NUAK1: variants seen among roughly 807,000 people sequenced by gnomAD.
The protein encoded by NUAK1 is NUAK family kinase 1.
A neutral mutation model predicts 56.9 loss-of-function variants in NUAK1; 26 were observed. The ratio of observed to expected loss-of-function variants is 0.46; its 90% CI spans 0.33 to 0.63. NUAK1 has a LOEUF of 0.63. Ranked by LOEUF, NUAK1 falls within the 30% of genes least tolerant of loss-of-function variation. NUAK1 has a pLI of 0.02. For missense variants in NUAK1, 727 were observed against 876.1 expected (o/e 0.83, Z 2.15); for synonymous variants, 337 against 336.0 (o/e 1.00, Z -0.03).
chr12:106,129,910 C>T (rs1370099420), intron 1 of NUAK1, among the ~76,000 whole-genome samples: 3 of 152,154 alleles, frequency 2.0e-5, no homozygotes, highest in Admixed American at 2.0e-4. Flanking sequence ...TCCTGGGTAG[C>T]AGGACAGAAT....
intron 2 of NUAK1, among the ~76,000 whole-genome samples, chr12:106,090,319 G>A (rs547144939): frequency 3.3e-5 from 5 of 152,128 alleles, no homozygotes; most frequent in Admixed American, 1.3e-4. Context: ...TTAATTGAGA[G>A]CAAAGAAGAT....
intron 2 of NUAK1, among the ~76,000 whole-genome samples, chr12:106,088,630 A>G (rs2032599865): frequency 6.6e-6 from 1 of 152,224 alleles, no homozygotes; most frequent in South Asian, 2.1e-4. Flanking sequence ...CGTGAATAAT[A>G]TTAGCAAGTA....
At chr12:106,090,072 C>T (rs1388161109) in intron 2 of NUAK1, among the ~76,000 whole-genome samples, 3 of 152,158 alleles carry the variant, frequency 2.0e-5, no homozygotes, top group African/African-American at 7.2e-5. Flanking sequence ...GTTGATTGGG[C>T]CATTTCAATC....
chr12:106,092,469 C>T lies in NUAK1; in HGVS notation c.362-5584G>A, dbSNP rs571589955. On this transcript the variant is annotated intron_variant, in intron 2 of 6. Transcript: ENST00000261402. ...GGAGAAGGAGGTTGCAGTGAGCCAG[C>T]CTGGTGACAGAGCGAGACTCTGTCT... is the stretch of plus-strand genomic sequence containing the variant. Among the ~76,000 whole-genome samples, 41 of 151,974 alleles carry T rather than the reference C, an allele frequency of 2.7e-4. No individual in the cohort carries two copies. The East Asian group carries it at 8.0e-3, about 30-fold the overall frequency.
At position 106,133,536 on chromosome 12, in the gene NUAK1, T is replaced by C. The variant is rs144918585; in HGVS notation, c.240+4878A>G. Among the ~76,000 whole-genome samples the C allele has an allele frequency of 4.4e-3, 663 of 152,288 alleles. 13 individuals carry two copies. The highest frequency in any genetic ancestry group is 0.015 in the African/African-American group (605 of 41,562). On this transcript the variant is annotated intron_variant, in intron 1 of 6. Coordinates refer to ENST00000261402, the MANE Select transcript of NUAK1 (RefSeq NM_014840.3). ...CAAACACCATCCAGCTGTCTGACCC[T>C]TGGCAAGTTACCTAACCTCCCTATG... is the stretch of plus-strand genomic sequence containing the variant.
At position 106,106,593 on chromosome 12, in the gene NUAK1, T is replaced by C. The variant is rs2032804433; in HGVS notation, c.241-68A>G. The C allele has an allele frequency of 5.3e-6, 8 of 1,514,334 alleles. No individual in the cohort carries two copies. In the South Asian group the frequency reaches 6.3e-5, roughly 12 times the overall value. 93.8% of individuals were successfully genotyped at this position (1,514,334 alleles called of 1,614,324 possible). A position where few individuals can be genotyped will look rare whatever the true frequency, so the allele number is the denominator to read the frequency against. ...GATGCAAATCAGCCATTGGGGGAGT[T>C]TGGAAAATAAATACAGATGTTACTT... On this transcript the variant is annotated intron_variant, in intron 1 of 6. Transcript: ENST00000261402.
intron 1 of NUAK1, 43 bp from the exon 2 acceptor site, chr12:106,106,568 G>T: frequency 6.4e-7 from 1 of 1,573,674 alleles, no homozygotes. Context: ...GAGCTAAACA[G>T]ATGCAAATCA....
At chr12:106,081,434 G>A (rs186637294) in intron 4 of NUAK1, among the ~76,000 whole-genome samples, 69 of 152,332 alleles carry the variant, frequency 4.5e-4, no homozygotes, top group Middle Eastern at 3.4e-3. Flanking sequence ...ATGCACACCC[G>A]TGCTTTACCT....
intron 1 of NUAK1, among the ~76,000 whole-genome samples, chr12:106,124,842 C>T (rs1328456921): frequency 1.3e-5 from 2 of 151,830 alleles, no homozygotes; most frequent in African/African-American, 4.8e-5. Context: ...ACTAAAAATA[C>T]AAAAATCAGC....
At chr12:106,073,124 A>C (rs1337113731) in intron 4 of NUAK1, among the ~76,000 whole-genome samples, 2 of 152,206 alleles carry the variant, frequency 1.3e-5, no homozygotes, top group African/African-American at 4.8e-5. Flanking sequence ...CTTTAAATGG[A>C]TGCTCTATTT....
chr12:106,106,746 T>C (rs1592857294), intron 1 of NUAK1, among the ~76,000 whole-genome samples: 1 of 152,338 alleles, frequency 6.6e-6, no homozygotes, highest in East Asian at 1.9e-4. Flanking sequence ...GGATTTGTGA[T>C]GGTGGTTTTG....
At chr12:106,135,728 C>T (rs2033123258) in intron 1 of NUAK1, among the ~76,000 whole-genome samples, 1 of 152,174 alleles carries the variant, frequency 6.6e-6, no homozygotes, top group Non-Finnish European at 1.5e-5. Context: ...GATCAAAAGG[C>T]TAAATTAAGA....
At chr12:106,127,853 T>G (rs898552827) in intron 1 of NUAK1, among the ~76,000 whole-genome samples, 2 of 152,090 alleles carry the variant, frequency 1.3e-5, no homozygotes, top group Admixed American at 1.3e-4. Flanking sequence ...CAGCAGCACC[T>G]ACTGTGTGCA....
intron 1 of NUAK1, among the ~76,000 whole-genome samples, chr12:106,131,499 G>A (rs2033079079): frequency 6.6e-6 from 1 of 152,144 alleles, no homozygotes; most frequent in Non-Finnish European, 1.5e-5. Flanking sequence ...GTTCATCCAT[G>A]CTGTCACATG....
chr12:106,089,646 G>C (rs537266755), intron 2 of NUAK1, among the ~76,000 whole-genome samples: 1 of 152,088 alleles, frequency 6.6e-6, no homozygotes, highest in South Asian at 2.1e-4. Flanking sequence ...AAAATTAGCC[G>C]GGTGTGGTGG....
intron 4 of NUAK1, among the ~76,000 whole-genome samples, chr12:106,075,629 C>T (rs1020800881): frequency 6.6e-6 from 1 of 152,134 alleles, no homozygotes; most frequent in Non-Finnish European, 1.5e-5. Context: ...TAATTACCTT[C>T]GTTATACTAG....
chr12:106,132,907 C>A (rs373320933), intron 1 of NUAK1, among the ~76,000 whole-genome samples: 9 of 152,342 alleles, frequency 5.9e-5, no homozygotes, highest in South Asian at 2.1e-4. Context: ...TCTGCATTCA[C>A]ATTGCCTGGG....
In NUAK1 at chr12:106,067,852, G is replaced by A; in HGVS notation, c.936C>T (p.Ser312=). Residue 312 remains serine, a synonymous_variant, in exon 7 of 7, where the codon AGC becomes AGT. Transcript: ENST00000261402. This position sits in a 1 kb window ranked among gnomAD's most constrained non-coding sequence, Gnocchi z 6.0. ...NHWWVNWGYK[S]SVCDCDALHD... ...GGAGGGCATCACAGTCACACACGCT[G>A]CTCTTATAGCCCCAGTTCACCCACC... is the stretch of plus-strand genomic sequence containing the variant. 2 of 1,614,214 alleles carry A rather than the reference G, an allele frequency of 1.2e-6. No individual in the cohort carries two copies. The highest frequency in any genetic ancestry group is 1.7e-6 in the Non-Finnish European group (2 of 1,180,032).
chr12:106,081,177 A>G lies in NUAK1; in HGVS notation c.579+2687T>C, dbSNP rs137907498. On this transcript the variant is annotated intron_variant, in intron 4 of 6. Transcript: ENST00000261402. ...AAGTACCTACTGTGTGCCAAGCACT[A>G]GTCTACACTCTGGGGAAGCAAAGAC... Among the ~76,000 whole-genome samples, 945 of 152,330 alleles carry G rather than the reference A, an allele frequency of 6.2e-3. 9 individuals carry two copies. Among genetic ancestry groups the G allele is most frequent in the Middle Eastern group, 0.01 (3 of 294 alleles).
Sources: allele counts gnomAD v4.1 joint callset (sites outside exome capture counted in the v4.1 genomes callset), GRCh38; gene constraint gnomAD v4.1.1; non-coding constraint Gnocchi (gnomAD v3.1); transcripts MANE v1.5; gene names NCBI Gene and HGNC (gene_info 2026-07-23, HGNC 2026-07-21).